The following IFT43 variants were observed in gnomAD, a reference collection of about 807,000 sequenced individuals.
IFT43 encodes the protein intraflagellar transport protein 43 homolog.
In IFT43, 33 loss-of-function variants were observed where a neutral mutation model predicts 32.3. The ratio of observed to expected loss-of-function variants is 1.02; its 90% CI spans 0.77 to 1.37. The LOEUF is 1.37. IFT43 is among the 40% of genes most tolerant of loss of function. IFT43 has a pLI of 0.00. For synonymous variants in IFT43, 93 were observed against 98.2 expected, an observed-to-expected ratio of 0.95 and a Z score of 0.31; for missense variants, 274 against 265.9, an observed-to-expected ratio of 1.03 and a Z score of -0.21.
intron 3 of IFT43, among the ~76,000 whole-genome samples, chr14:76,045,295 G>T (rs777138998): frequency 6.6e-6 from 1 of 152,096 alleles, no homozygotes. Context: ...TGTCTCATTC[G>T]CATCCTTAGA....
chr14:76,042,080 G>T (rs1486687573), intron 3 of IFT43, among the ~76,000 whole-genome samples: 1 of 151,498 alleles, frequency 6.6e-6, no homozygotes, highest in Non-Finnish European at 1.5e-5. Flanking sequence ...CACGTGTCTT[G>T]TCCAGTCCTT....
intron 2 of IFT43, among the ~76,000 whole-genome samples, chr14:75,999,281 A>ATATATATATATAT (rs1566699821): frequency 5.1e-5 from 2 of 39,062 alleles, no homozygotes; most frequent in Non-Finnish European, 4.6e-5. Flanking sequence ...ATGTATATAT[A>ATATATATATATAT]TTTTTTTTTT....
intron 2 of IFT43, chr14:76,013,753 G>A: frequency 6.0e-6 from 2 of 335,044 alleles, no homozygotes; most frequent in Non-Finnish European, 5.9e-6. Context: ...GTAACATCCA[G>A]GTTTGAGGAA....
intron 3 of IFT43, chr14:76,058,056 C>A (rs1368700302): frequency 6.3e-6 from 1 of 158,004 alleles, no homozygotes; most frequent in African/African-American, 2.4e-5. Context: ...TAACAGGCCC[C>A]GCGGATGGTT....
intron 5 of IFT43, among the ~76,000 whole-genome samples, chr14:76,067,424 G>C (rs916365480): frequency 6.6e-6 from 1 of 151,964 alleles, no homozygotes; most frequent in Non-Finnish European, 1.5e-5. Flanking sequence ...AAAAAAATTA[G>C]TCGTGTGTGG....
intron 2 of IFT43, among the ~76,000 whole-genome samples, chr14:75,996,450 ATC>A (rs368002819): frequency 1.2e-4 from 18 of 152,318 alleles, no homozygotes; most frequent in Non-Finnish European, 2.6e-4. Flanking sequence ...TATTGTCCTT[ATC>A]TGTATCAAAC....
At chr14:76,020,216 G>T (rs2036264844) in intron 2 of IFT43, among the ~76,000 whole-genome samples, 1 of 152,136 alleles carries the variant, frequency 6.6e-6, no homozygotes, top group African/African-American at 2.4e-5. Flanking sequence ...CTTGTGATCT[G>T]CCCGTCTTGG....
At chr14:76,056,615 G>A (rs573573211) in intron 3 of IFT43, among the ~76,000 whole-genome samples, 1 of 152,326 alleles carries the variant, frequency 6.6e-6, no homozygotes, top group Admixed American at 6.5e-5. Context: ...TGTACACAAC[G>A]AAGGCGCCAG....
intron 2 of IFT43, among the ~76,000 whole-genome samples, chr14:75,998,760 CACTGAG>C (rs1259474615): frequency 6.6e-6 from 1 of 152,200 alleles, no homozygotes; most frequent in Non-Finnish European, 1.5e-5. Context: ...GCACAGTACA[CACTGAG>C]TGAGGTCTCA....
At chr14:75,995,119 AAGT>A (rs765017582) in intron 2 of IFT43, among the ~76,000 whole-genome samples, 5 of 152,158 alleles carry the variant, frequency 3.3e-5, no homozygotes, top group Non-Finnish European at 7.3e-5. Context: ...GTAGCTCTTG[AAGT>A]AGGTACTCTT....
At chr14:76,072,307 T>C (rs182286017) in intron 5 of IFT43, among the ~76,000 whole-genome samples, 214 of 152,230 alleles carry the variant, frequency 1.4e-3, no homozygotes, top group Admixed American at 3.5e-3. Context: ...ATTGGAGAGT[T>C]TGGGAGGTTT....
chr14:76,045,801 C>T (rs2036797648), intron 3 of IFT43, among the ~76,000 whole-genome samples: 2 of 152,204 alleles, frequency 1.3e-5, no homozygotes, highest in South Asian at 4.1e-4. Context: ...GAATGTGCTG[C>T]ATCTTTCTCA....
At chr14:76,002,024 G>T (rs1175028742) in intron 2 of IFT43, among the ~76,000 whole-genome samples, 1 of 152,212 alleles carries the variant, frequency 6.6e-6, no homozygotes, top group Non-Finnish European at 1.5e-5. Context: ...AAGATGGGCG[G>T]ATCACCTGAG....
At chr14:76,003,515 A>G (rs1411310190) in intron 2 of IFT43, among the ~76,000 whole-genome samples, 1 of 151,932 alleles carries the variant, frequency 6.6e-6, no homozygotes, top group Non-Finnish European at 1.5e-5. Context: ...AATCCCAGCT[A>G]CTTGGGAGGC....
chr14:75,994,779 G>A lies in IFT43; in HGVS notation c.147+5802G>A, dbSNP rs143935426. On this transcript the variant is annotated intron_variant, in intron 2 of 8. Transcript: ENST00000314067. ...GTATAGCTTTCTCTAGGGAGGATGGGTCTGAGAGTTAAACCAGATTTCTCT... is the reference window on the plus strand; with the variant it reads ...GTATAGCTTTCTCTAGGGAGGATGGATCTGAGAGTTAAACCAGATTTCTCT... 4.1e-3 allele frequency among the ~76,000 whole-genome samples: 619 copies of A among 152,334 alleles called. 1 individual carries two copies. Among genetic ancestry groups the A allele is most frequent in the African/African-American group, 0.014 (584 of 41,558 alleles).
At chr14:76,073,721 G>C (rs1018911403) in intron 5 of IFT43, among the ~76,000 whole-genome samples, 7 of 152,166 alleles carry the variant, frequency 4.6e-5, no homozygotes, top group Admixed American at 2.0e-4. Context: ...GAAAGCTCTT[G>C]AAAGATGATT....
intron 3 of IFT43, among the ~76,000 whole-genome samples, chr14:76,057,309 G>A (rs1048573697): frequency 2.6e-5 from 4 of 151,954 alleles, no homozygotes; most frequent in African/African-American, 9.7e-5. Context: ...TTGGCTCACC[G>A]CAACCTCCAC....
At chr14:76,083,022 C>T (rs777731170) in intron 7 of IFT43, among the ~76,000 whole-genome samples, 99 of 152,148 alleles carry the variant, frequency 6.5e-4, no homozygotes, top group Non-Finnish European at 7.8e-4. Context: ...CCCCAAAGCA[C>T]GCCCAGCATG....
chr14:76,000,704 A>G (rs1486630542), intron 2 of IFT43, among the ~76,000 whole-genome samples: 1 of 152,210 alleles, frequency 6.6e-6, no homozygotes, highest in African/African-American at 2.4e-5. Context: ...GGTCAGTGAC[A>G]AGAGACCTGT....
Sources: gnomAD v4.1 joint callset for allele counts (sites outside exome capture counted in the v4.1 genomes callset) on GRCh38, gnomAD v4.1.1 for gene constraint, MANE v1.5 for transcripts, NCBI Gene and HGNC (gene_info 2026-07-23, HGNC 2026-07-21) for gene names.